The following POC1A variants were observed in gnomAD, a reference collection of about 807,000 sequenced individuals.
POC1A encodes POC1 centriolar protein homolog A.
Under a neutral mutation model 47.8 loss-of-function variants are expected in POC1A, and 34 were observed. The ratio of observed to expected loss-of-function variants is 0.71; its 90% confidence interval spans 0.54 to 0.95. The LOEUF (loss-of-function observed/expected upper bound fraction) is 0.95, where lower values mean the gene tolerates loss of function less well. Among genes scored for constraint, POC1A ranks in the 40% least tolerant of loss-of-function variants. The pLI, the probability that POC1A is intolerant of heterozygous loss-of-function variation, is 0.00. For missense variants in POC1A, 466 were observed against 528.3 expected (o/e 0.88, Z 1.16); for synonymous variants, 177 against 207.6 (o/e 0.85, Z 1.27).
intron 9 of POC1A, among the ~76,000 whole-genome samples, chr3:52,108,539 G>C (rs527713949): frequency 9.8e-5 from 15 of 152,298 alleles, no homozygotes; most frequent in Admixed American, 3.3e-4. Flanking sequence ...TCAATGGAGA[G>C]TGTTAGAGCC....
chr3:52,080,770 T>C (rs1702254779), intron 10 of POC1A, among the ~76,000 whole-genome samples: 2 of 152,260 alleles, frequency 1.3e-5, no homozygotes, highest in African/African-American at 2.4e-5. Flanking sequence ...CAAAACATGC[T>C]GTGGAACTCG....
At chr3:52,114,143 TG>T (rs1263356154) in intron 9 of POC1A, among the ~76,000 whole-genome samples, 1 of 152,272 alleles carries the variant, frequency 6.6e-6, no homozygotes, top group East Asian at 1.9e-4. Context: ...AACTAAGTTC[TG>T]GAAGTGGTTC....
chr3:52,130,666 A>G (rs972687736), intron 7 of POC1A, among the ~76,000 whole-genome samples: 1 of 152,214 alleles, frequency 6.6e-6, no homozygotes. Flanking sequence ...CCTGAGCATC[A>G]AAACAGTCCT....
At chr3:52,114,292 A>G (rs1251164308) in intron 9 of POC1A, among the ~76,000 whole-genome samples, 1 of 152,166 alleles carries the variant, frequency 6.6e-6, no homozygotes. Context: ...GGCATCCCCC[A>G]TGCTGTGCCC....
chr3:52,149,726 G>A (rs1698489346), intron 3 of POC1A, 90 bp downstream of exon 3: 14 of 1,304,226 alleles, frequency 1.1e-5, no homozygotes, highest in Non-Finnish European at 9.8e-6. Context: ...ACTGTGACCA[G>A]TCCAGAGCCA....
intron 9 of POC1A, among the ~76,000 whole-genome samples, chr3:52,116,712 T>A (rs954330932): frequency 2.0e-5 from 3 of 152,166 alleles, no homozygotes; most frequent in Non-Finnish European, 4.4e-5. Flanking sequence ...ATCTCCTGGA[T>A]TGGCTTTCAG....
In POC1A at chr3:52,154,377, G is replaced by C; in HGVS notation, c.-5C>G. The C allele has an allele frequency of 6.7e-7, 1 of 1,488,378 alleles. No homozygotes were observed. The highest frequency in any genetic ancestry group is 8.9e-7 in the Non-Finnish European group (1 of 1,126,164). 92.2% of individuals were successfully genotyped at this position (1,488,378 alleles called of 1,614,324 possible). A position where few individuals can be genotyped will look rare whatever the true frequency, so the allele number is the denominator to read the frequency against. On this transcript the variant is annotated 5_prime_UTR_variant, in exon 1 of 11. Coordinates refer to ENST00000296484, the MANE Select transcript of POC1A (RefSeq NM_015426.5). ...TACCGCGCAGGGCGCAGCCATGGCG[G>C]GGCTGGCGGCGCCGAAGGCAGCTGC...
Position 52,079,015 on chromosome 3 carries a change from G to A in POC1A, c.1126-3030C>T, listed in dbSNP as rs1184185925. On this transcript the variant is annotated intron_variant, in intron 10 of 10. Coordinates refer to ENST00000296484, the MANE Select transcript of POC1A (RefSeq NM_015426.5). This position sits in a 1 kb window ranked among gnomAD's most constrained non-coding sequence, Gnocchi z 4.6. ...AGCAGCCAGGACAGGCCATCACAGTGCCACCGTGCTTCCCCAGCTGCACGG... is the reference window on the plus strand; with the variant it reads ...AGCAGCCAGGACAGGCCATCACAGTACCACCGTGCTTCCCCAGCTGCACGG... 6.6e-6 allele frequency among the ~76,000 whole-genome samples: 1 copy of A among 152,212 alleles called. No individual in the cohort carries two copies. Among genetic ancestry groups the A allele is most frequent in the Non-Finnish European group, 1.5e-5 (1 of 68,024 alleles).
At position 52,147,085 on chromosome 3, in the gene POC1A, CG is replaced by C. The variant is rs1454411278; in HGVS notation, c.465del (p.Asp156ThrfsTer56). ...CTGGCAGACACGATGAGCCGCCCGT[CG>C]GGGGAGAACCTGAACCGGGTGGGGC... ...INWVRCAKFS[P>X]DGRLIVSASD... On this transcript the variant is annotated frameshift_variant, in exon 5 of 11. Transcript: ENST00000296484. LOFTEE classifies it high-confidence loss of function. 14 of 1,613,840 alleles carry C rather than the reference CG, an allele frequency of 8.7e-6. No homozygotes were observed. The highest frequency in any genetic ancestry group is 1.1e-5 in the Non-Finnish European group (13 of 1,179,830).
intron 9 of POC1A, among the ~76,000 whole-genome samples, chr3:52,113,279 C>A (rs767686727): frequency 2.6e-5 from 4 of 152,230 alleles, no homozygotes; most frequent in Non-Finnish European, 5.9e-5. Flanking sequence ...TGGGACCCTG[C>A]CCTGGGCCTG....
chr3:52,125,905 G>A (rs1703979511), intron 7 of POC1A, among the ~76,000 whole-genome samples: 1 of 152,162 alleles, frequency 6.6e-6, no homozygotes, highest in African/African-American at 2.4e-5. Flanking sequence ...GTCCAGGGCG[G>A]GGGAGATGGG....
intron 10 of POC1A, among the ~76,000 whole-genome samples, chr3:52,082,499 C>T (rs533737673): frequency 6.6e-6 from 1 of 152,252 alleles, no homozygotes; most frequent in Admixed American, 6.5e-5. Flanking sequence ...ATTCATCCGC[C>T]TGAGCTCTCC....
At chr3:52,148,961 G>A (rs527866258) in intron 4 of POC1A, among the ~76,000 whole-genome samples, 1 of 152,332 alleles carries the variant, frequency 6.6e-6, no homozygotes, top group Admixed American at 6.5e-5. Flanking sequence ...CAACACAGAT[G>A]TCAGAGGGTC....
chr3:52,089,003 C>T (rs1702555987), intron 10 of POC1A, among the ~76,000 whole-genome samples: 1 of 151,414 alleles, frequency 6.6e-6, no homozygotes, highest in South Asian at 2.1e-4. Flanking sequence ...CAGGGGCCTT[C>T]AATCTGCAGC....
At chr3:52,094,776 G>T (rs1465783919) in intron 10 of POC1A, among the ~76,000 whole-genome samples, 1 of 152,218 alleles carries the variant, frequency 6.6e-6, no homozygotes, top group Non-Finnish European at 1.5e-5. Context: ...GGTCGGGGGT[G>T]GCCTGCCAGT....
intron 1 of POC1A, among the ~76,000 whole-genome samples, chr3:52,153,710 G>A (rs1559858118): frequency 6.6e-6 from 1 of 152,216 alleles, no homozygotes; most frequent in African/African-American, 2.4e-5. Flanking sequence ...ATACATGAGG[G>A]GACAGGAAGG....
At chr3:52,093,843 C>A (rs774667362) in intron 10 of POC1A, among the ~76,000 whole-genome samples, 4 of 152,184 alleles carry the variant, frequency 2.6e-5, no homozygotes, top group Non-Finnish European at 5.9e-5. Flanking sequence ...CAGAGGTGAC[C>A]TCGCCACATG....
Position 52,145,826 on chromosome 3 carries a change from G to A in POC1A, c.679+20C>T. Reference sequence around the variant, plus strand: ...CCCACCAGGGCTGCCCTTGGGCCCAGGAGGCTGTTCACCACTCACACTGAT... The same window carrying A: ...CCCACCAGGGCTGCCCTTGGGCCCAAGAGGCTGTTCACCACTCACACTGAT... On this transcript the variant is annotated intron_variant, in intron 6 of 10. Transcript: ENST00000296484. The A allele has an allele frequency of 1.9e-6, 3 of 1,541,092 alleles. No homozygotes were observed. Among genetic ancestry groups the A allele is most frequent in the South Asian group, 1.1e-5 (1 of 89,588 alleles).
intron 9 of POC1A, among the ~76,000 whole-genome samples, chr3:52,113,835 T>C (rs1181207257): frequency 6.6e-6 from 1 of 152,226 alleles, no homozygotes; most frequent in African/African-American, 2.4e-5. Flanking sequence ...TTTCCACGAA[T>C]TCTATTGAGA....
Sources: allele counts gnomAD v4.1 joint callset (sites outside exome capture counted in the v4.1 genomes callset), GRCh38; gene constraint gnomAD v4.1.1; non-coding constraint Gnocchi (gnomAD v3.1); transcripts MANE v1.5; gene names NCBI Gene and HGNC (gene_info 2026-07-23, HGNC 2026-07-21).